CDIP1: variants seen among roughly 807,000 people sequenced by gnomAD.
CDIP1 encodes cell death-inducing p53-target protein 1.
A neutral mutation model predicts 17.7 loss-of-function variants in CDIP1; 9 were observed. The ratio of observed to expected loss-of-function variants is 0.51; its 90% confidence interval spans 0.31 to 0.89. The LOEUF (loss-of-function observed/expected upper bound fraction) is 0.89. Among genes scored for constraint, CDIP1 ranks in the 40% least tolerant of loss-of-function variants. The probability of loss-of-function intolerance (pLI) is 0.05; values close to 1 mark genes in which losing one functional copy is unlikely to be tolerated. For synonymous variants in CDIP1, 117 were observed against 109.5 expected (o/e 1.07, Z -0.43); for missense variants, 263 against 277.9 (o/e 0.95, Z 0.38).
At chr16:4,528,767 TC>T (rs1304238845) in intron 1 of CDIP1, among the ~76,000 whole-genome samples, 1 of 147,772 alleles carries the variant, frequency 6.8e-6, no homozygotes, top group Non-Finnish European at 1.5e-5. Context: ...GGCACGCAGA[TC>T]ACCTGAGGTC....
intron 1 of CDIP1, among the ~76,000 whole-genome samples, chr16:4,534,013 C>T (rs1051521943): frequency 3.3e-5 from 5 of 152,016 alleles, no homozygotes; most frequent in Non-Finnish European, 5.9e-5. Context: ...TCCATTGGTG[C>T]GATCTCGGCT....
In CDIP1 at chr16:4,511,527, T is replaced by G. The variant is rs2058828791; in HGVS notation, c.*1045A>C. The G allele has an allele frequency of 6.6e-6, 1 of 152,378 alleles. No homozygotes were observed. The highest frequency in any genetic ancestry group is 1.5e-5 in the Non-Finnish European group (1 of 68,092). 9.4% of individuals were successfully genotyped at this position (152,378 alleles called of 1,614,324 possible). On this transcript the variant is annotated 3_prime_UTR_variant, in exon 6 of 6. Transcript: ENST00000567695. Reference sequence around the variant, plus strand: ...TGTCCACCAAGGCAGTTCTACCACTTGTGGCTGCTCCTTCCTCGTCCCTAG... The same window carrying G: ...TGTCCACCAAGGCAGTTCTACCACTGGTGGCTGCTCCTTCCTCGTCCCTAG...
chr16:4,515,557 T>C lies in CDIP1; in HGVS notation c.-104-893A>G, dbSNP rs375871150. 4.6e-5 allele frequency among the ~76,000 whole-genome samples: 7 copies of C among 152,188 alleles called. No homozygotes were observed. The East Asian group carries it at 1.3e-3, about 29-fold the overall frequency. On this transcript the variant is annotated intron_variant, in intron 1 of 5. Transcript: ENST00000567695. ...CATAGATCTGATAAAGGACTTGTAT[T>C]AAGAAATACAAAGAACTCAACTCAA...
At position 4,513,661 on chromosome 16, in the gene CDIP1, TC is replaced by T; in HGVS notation, c.241+34del. On this transcript the variant is annotated intron_variant, in intron 4 of 5. Transcript: ENST00000567695. The surrounding 1 kb of genome is among the most constrained non-coding windows in gnomAD (Gnocchi z 4.1). ...CGCAGGCCAGACAGCAGCCAGGAGTTCCCCATGCTCCCCTCAGATCCCTTCC... is the reference window on the plus strand; with the variant it reads ...CGCAGGCCAGACAGCAGCCAGGAGTTCCCATGCTCCCCTCAGATCCCTTCC... 6.3e-7 allele frequency: 1 copy of T among 1,590,178 alleles called. No individual in the cohort carries two copies. The highest frequency in any genetic ancestry group is 1.1e-5 in the South Asian group (1 of 89,096).
rs1429304057 is a variant in CDIP1, at chr16:4,513,024, G to A, written c.282C>T (p.Tyr94=). 5.6e-6 allele frequency: 9 copies of A among 1,594,282 alleles called. No individual in the cohort carries two copies. Among genetic ancestry groups the A allele is most frequent in the Non-Finnish European group, 7.7e-6 (9 of 1,172,494 alleles). Residue 94 remains tyrosine (Y), a synonymous_variant, in exon 5 of 6, where the codon TAC becomes TAT. Coordinates refer to ENST00000567695, the MANE Select transcript of CDIP1 (RefSeq NM_013399.3). The surrounding 1 kb of genome is among the most constrained non-coding windows in gnomAD (Gnocchi z 4.1). ...PPPGPHPPMG[Y]YPPGPYTPGP... ...CTGGCGTGTAGGGCCCTGGGGGGTA[G>A]TAGCCCATGGGTGGGTGGGGGCCTG...
chr16:4,526,465 C>A (rs1805914055), intron 1 of CDIP1, among the ~76,000 whole-genome samples: 1 of 151,830 alleles, frequency 6.6e-6, no homozygotes, highest in African/African-American at 2.4e-5. Context: ...CTTTGGGAGG[C>A]CAAGGCAGGC....
At chr16:4,536,306 C>G (rs569155933) in intron 1 of CDIP1, 10 of 152,264 alleles carry the variant, frequency 6.6e-5, no homozygotes, top group African/African-American at 2.4e-4. Context: ...GAACAAAGTA[C>G]CTGGGCCCAA....
At chr16:4,530,413 G>T (rs1347757845) in intron 1 of CDIP1, among the ~76,000 whole-genome samples, 1 of 152,166 alleles carries the variant, frequency 6.6e-6, no homozygotes, top group Non-Finnish European at 1.5e-5. Flanking sequence ...ACTTTGGGAG[G>T]CTGAGGCAGT....
rs879321869 is a variant in CDIP1 at position 4,528,552 on chromosome 16, C to T, written c.-105+10150G>A. Among the ~76,000 whole-genome samples, 5 of 152,006 alleles carry T rather than the reference C, an allele frequency of 3.3e-5. No homozygotes were observed. In the South Asian group the frequency reaches 8.3e-4, roughly 25 times the overall value. On this transcript the variant is annotated intron_variant, in intron 1 of 5. Coordinates refer to ENST00000567695, the MANE Select transcript of CDIP1 (RefSeq NM_013399.3). ...TCATTATAAGTCAGACACAGTGGCTCACGCCTATAATCCCAGTTACTTGGG... is the reference window on the plus strand; with the variant it reads ...TCATTATAAGTCAGACACAGTGGCTTACGCCTATAATCCCAGTTACTTGGG...
intron 1 of CDIP1, among the ~76,000 whole-genome samples, chr16:4,531,485 G>A (rs904223801): frequency 2.0e-5 from 3 of 152,186 alleles, no homozygotes; most frequent in African/African-American, 7.2e-5. Flanking sequence ...GAGGTTGCAA[G>A]GCCATCAGAG....
chr16:4,512,316 A>C lies in CDIP1; in HGVS notation c.*256T>G. The C allele has an allele frequency of 1.8e-6, 1 of 568,546 alleles. No individual in the cohort carries two copies. The highest frequency in any genetic ancestry group is 3.2e-6 in the Non-Finnish European group (1 of 315,516). The allele number at this position is 568,546 out of a possible 1,614,324, so 35.2% of individuals were successfully genotyped here. On this transcript the variant is annotated 3_prime_UTR_variant, in exon 6 of 6. Coordinates refer to ENST00000567695, the MANE Select transcript of CDIP1 (RefSeq NM_013399.3). This position sits in a 1 kb window ranked among gnomAD's most constrained non-coding sequence, Gnocchi z 4.6. ...TCCCAGCTTATCTTCCCGATCACAC[A>C]CACCAAGCAGACCAACAACACACAA...
chr16:4,517,949 C>A (rs1045703852), intron 1 of CDIP1, among the ~76,000 whole-genome samples: 1 of 152,196 alleles, frequency 6.6e-6, no homozygotes, highest in Non-Finnish European at 1.5e-5. Flanking sequence ...CTACAAACTC[C>A]CAGACTCCCA....
intron 1 of CDIP1, among the ~76,000 whole-genome samples, chr16:4,527,665 C>T (rs529648300): frequency 2.1e-4 from 32 of 152,214 alleles, no homozygotes; most frequent in Admixed American, 1.1e-3. Context: ...TCAATGTATT[C>T]GTTCTAGAGG....
chr16:4,514,181 T>C lies in CDIP1; in HGVS notation c.-14-37A>G, dbSNP rs766274382. The C allele has an allele frequency of 5.6e-6, 7 of 1,239,446 alleles. No individual in the cohort carries two copies. In the South Asian group the frequency reaches 1.0e-4, roughly 18 times the overall value. The allele number at this position is 1,239,446 out of a possible 1,614,324, so 76.8% of individuals were successfully genotyped here. A position where few individuals can be genotyped will look rare whatever the true frequency, so the allele number is the denominator to read the frequency against. On this transcript the variant is annotated intron_variant, in intron 2 of 5. Transcript: ENST00000567695. This position sits in a 1 kb window ranked among gnomAD's most constrained non-coding sequence, Gnocchi z 5.2. ...GGGAAAACCCAGACATGAACTAAGCTCCCAGCCAGGTTCCTTCTCCTTCAG... is the reference window on the plus strand; with the variant it reads ...GGGAAAACCCAGACATGAACTAAGCCCCCAGCCAGGTTCCTTCTCCTTCAG...
intron 1 of CDIP1, among the ~76,000 whole-genome samples, chr16:4,521,047 TAA>T (rs2058941301): frequency 6.6e-6 from 1 of 152,100 alleles, no homozygotes; most frequent in African/African-American, 2.4e-5. Context: ...GGTCAGGACT[TAA>T]TAAAGTTGAT....
chr16:4,519,958 T>C (rs1300239611), intron 1 of CDIP1, among the ~76,000 whole-genome samples: 1 of 152,138 alleles, frequency 6.6e-6, no homozygotes, highest in East Asian at 1.9e-4. Context: ...TATAAATTAC[T>C]CAGCCTCAGG....
chr16:4,532,981 C>T (rs1274892173), intron 1 of CDIP1: 1 of 152,306 alleles, frequency 6.6e-6, no homozygotes, highest in Non-Finnish European at 1.5e-5. Flanking sequence ...CCATCACCAT[C>T]CAAGTTCCTC....
At chr16:4,528,683 CAAAAAA>C (rs374609894) in intron 1 of CDIP1, among the ~76,000 whole-genome samples, 18 of 50,936 alleles carry the variant, frequency 3.5e-4, no homozygotes, top group Non-Finnish European at 5.0e-4. Context: ...AACCCTGTCT[CAAAAAA>C]AAAAAAAAAA....
intron 1 of CDIP1, among the ~76,000 whole-genome samples, chr16:4,531,842 G>A (rs1282661955): frequency 6.6e-6 from 1 of 152,258 alleles, no homozygotes; most frequent in Non-Finnish European, 1.5e-5. Context: ...CTCACACAGT[G>A]CAGTTCCTTC....
Sources: allele counts gnomAD v4.1 joint callset (sites outside exome capture counted in the v4.1 genomes callset), GRCh38; gene constraint gnomAD v4.1.1; non-coding constraint Gnocchi (gnomAD v3.1); transcripts MANE v1.5; gene names NCBI Gene and HGNC (gene_info 2026-07-23, HGNC 2026-07-21).